TBC1D5: variants seen among roughly 807,000 people sequenced by gnomAD.
TBC1D5 encodes the protein TBC1 domain family member 5.
Under a neutral mutation model 100.3 loss-of-function variants are expected in TBC1D5, and 75 were observed. The observed-to-expected ratio is 0.75, with a 90% CI of 0.62 to 0.91. The LOEUF (loss-of-function observed/expected upper bound fraction) is 0.91, where lower values mean the gene tolerates loss of function less well. Ranked by LOEUF, TBC1D5 falls within the 40% of genes least tolerant of loss-of-function variation. The probability of loss-of-function intolerance (pLI) is 0.00; values close to 1 mark genes in which losing one functional copy is unlikely to be tolerated. For synonymous variants in TBC1D5, 323 were observed against 325.6 expected, an observed-to-expected ratio of 0.99 and a Z score of 0.09; for missense variants, 910 against 942.4, an observed-to-expected ratio of 0.97 and a Z score of 0.45.
At chr3:17,693,900 T>C (rs1366411153) in intron 1 of TBC1D5, among the ~76,000 whole-genome samples, 2 of 152,088 alleles carry the variant, frequency 1.3e-5, no homozygotes, top group Non-Finnish European at 2.9e-5. Flanking sequence ...ATCAGGCAGG[T>C]TCTGCAATAT....
intron 9 of TBC1D5, among the ~76,000 whole-genome samples, chr3:17,379,647 T>C (rs1467442248): frequency 6.6e-6 from 1 of 152,014 alleles, no homozygotes; most frequent in Non-Finnish European, 1.5e-5. Context: ...AGTCCCTCAT[T>C]ATGTGCAGGA....
chr3:17,255,835 G>A (rs560062535), intron 16 of TBC1D5, among the ~76,000 whole-genome samples: 15 of 152,188 alleles, frequency 9.9e-5, no homozygotes, highest in Admixed American at 6.5e-4. Flanking sequence ...TCAGGAGATT[G>A]AGACCATCTT....
At chr3:17,186,251 AATGAGT>A (rs891206486) in intron 18 of TBC1D5, among the ~76,000 whole-genome samples, 2 of 152,170 alleles carry the variant, frequency 1.3e-5, no homozygotes, top group Admixed American at 6.5e-5. Context: ...TCTCTTTGAG[AATGAGT>A]ATAATTTGAC....
chr3:17,167,293 G>A (rs750594796), intron 20 of TBC1D5, among the ~76,000 whole-genome samples: 1 of 152,178 alleles, frequency 6.6e-6, no homozygotes, highest in South Asian at 2.1e-4. Flanking sequence ...TCACAGCATA[G>A]GTAGGCATTT....
At chr3:17,611,362 G>A (rs1452551140) in intron 2 of TBC1D5, among the ~76,000 whole-genome samples, 2 of 152,044 alleles carry the variant, frequency 1.3e-5, no homozygotes, top group African/African-American at 2.4e-5. Context: ...TGTGTTTAAA[G>A]ATCTAGAACA....
At chr3:17,384,377 C>T (rs1289519717) in intron 8 of TBC1D5, among the ~76,000 whole-genome samples, 1 of 151,954 alleles carries the variant, frequency 6.6e-6, no homozygotes, top group Non-Finnish European at 1.5e-5. Flanking sequence ...TGTAAAAGTA[C>T]TAATTTTTTT....
At chr3:17,734,664 T>C (rs1023210646) in intron 1 of TBC1D5, among the ~76,000 whole-genome samples, 6 of 152,188 alleles carry the variant, frequency 3.9e-5, no homozygotes, top group Non-Finnish European at 5.9e-5. Flanking sequence ...CAAACCTGAA[T>C]AAAGCTGTTT....
chr3:17,265,257 C>CG (rs1413299158), intron 15 of TBC1D5, among the ~76,000 whole-genome samples: 3 of 110,976 alleles, frequency 2.7e-5, no homozygotes, highest in Non-Finnish European at 5.7e-5. Flanking sequence ...ATTAAACTGA[C>CG]AAATTCTATA....
intron 4 of TBC1D5, 31 bp downstream of exon 4, chr3:17,428,409 GTGTATATATA>G (rs1347839585): frequency 2.3e-5 from 9 of 386,362 alleles, no homozygotes; most frequent in South Asian, 1.0e-4. Context: ...GTGTGTGTGT[GTGTATATATA>G]TATATATATA....
rs532727020 is a variant in TBC1D5, at chr3:17,727,040, G to A, written c.-101+12303C>T. ...TCAAATAGAAATATGTATAACGGCT[G>A]TGGAATTTAGTGGTCTACTGATTGT... On this transcript the variant is annotated intron_variant, in intron 1 of 21. Transcript: ENST00000253692. Among the ~76,000 whole-genome samples the A allele has an allele frequency of 2.5e-3, 380 of 152,266 alleles. 2 individuals carry two copies. The highest frequency in any genetic ancestry group is 4.2e-3 in the Non-Finnish European group (286 of 68,016).
At chr3:17,602,678 T>G (rs966078512) in intron 2 of TBC1D5, among the ~76,000 whole-genome samples, 2 of 145,282 alleles carry the variant, frequency 1.4e-5, no homozygotes, top group Non-Finnish European at 3.0e-5. Context: ...GTTCGTGCCA[T>G]TCTCCTGTCT....
chr3:17,282,091 G>C (rs943675651), intron 15 of TBC1D5, among the ~76,000 whole-genome samples: 3 of 152,130 alleles, frequency 2.0e-5, no homozygotes, highest in African/African-American at 7.2e-5. Flanking sequence ...ATGACTGTTA[G>C]AGATTATAGG....
intron 2 of TBC1D5, among the ~76,000 whole-genome samples, chr3:17,602,702 A>G (rs2061053139): frequency 6.7e-6 from 1 of 149,460 alleles, no homozygotes; most frequent in Non-Finnish European, 1.5e-5. Flanking sequence ...CCTCCCAAGT[A>G]GCCGAGACTA....
chr3:17,496,789 G>A (rs2095712896), intron 3 of TBC1D5, among the ~76,000 whole-genome samples: 1 of 152,094 alleles, frequency 6.6e-6, no homozygotes, highest in Non-Finnish European at 1.5e-5. Context: ...TTTTAAAATA[G>A]CTATCATTCC....
chr3:17,548,549 C>G lies in TBC1D5; in HGVS notation c.-35-39944G>C, dbSNP rs180817640. On this transcript the variant is annotated intron_variant, in intron 2 of 21. Transcript: ENST00000253692. ...AGACAAATGTTAATAAAAATACTATCATTATCTGCCAATCAACACTTGTCT... is the reference window on the plus strand; with the variant it reads ...AGACAAATGTTAATAAAAATACTATGATTATCTGCCAATCAACACTTGTCT... Among the ~76,000 whole-genome samples, 11 of 152,186 alleles carry G rather than the reference C, an allele frequency of 7.2e-5. No homozygotes were observed. In the East Asian group the frequency reaches 1.7e-3, roughly 24 times the overall value.
intron 2 of TBC1D5, among the ~76,000 whole-genome samples, chr3:17,577,708 T>C (rs1277262240): frequency 6.6e-6 from 1 of 152,010 alleles, no homozygotes; most frequent in Non-Finnish European, 1.5e-5. Flanking sequence ...ATACAAGGCA[T>C]GTAATTTTAC....
intron 2 of TBC1D5, among the ~76,000 whole-genome samples, chr3:17,543,257 A>G (rs1164593858): frequency 6.6e-6 from 1 of 152,248 alleles, no homozygotes; most frequent in Non-Finnish European, 1.5e-5. Context: ...ATGATTTCCC[A>G]TAAATTCAAT....
intron 2 of TBC1D5, among the ~76,000 whole-genome samples, chr3:17,538,269 T>C (rs937482271): frequency 6.6e-6 from 1 of 151,802 alleles, no homozygotes; most frequent in South Asian, 2.1e-4. Context: ...TCCTAACAGA[T>C]AGAAAACACT....
intron 2 of TBC1D5, among the ~76,000 whole-genome samples, chr3:17,559,092 A>G (rs1261618501): frequency 6.6e-6 from 1 of 151,514 alleles, no homozygotes; most frequent in Non-Finnish European, 1.5e-5. Context: ...TTAAATAAAT[A>G]AATAAATAAA....
Sources: allele counts gnomAD v4.1 joint callset (sites outside exome capture counted in the v4.1 genomes callset), GRCh38; gene constraint gnomAD v4.1.1; transcripts MANE v1.5; gene names NCBI Gene and HGNC (gene_info 2026-07-23, HGNC 2026-07-21).